The following SHC2 variants were observed in gnomAD, a reference collection of about 807,000 sequenced individuals.
The protein encoded by SHC2 is SHC-transforming protein 2.
A neutral mutation model predicts 60.6 loss-of-function variants in SHC2; 62 were observed. The observed-to-expected ratio is 1.02, with a 90% CI of 0.83 to 1.26. The LOEUF (loss-of-function observed/expected upper bound fraction) is 1.26, where lower values mean the gene tolerates loss of function less well. Among genes scored for constraint, SHC2 ranks in the 50% most tolerant of loss-of-function variants. The probability of loss-of-function intolerance (pLI) is 0.00; values close to 1 mark genes in which losing one functional copy is unlikely to be tolerated. For missense variants in SHC2, 873 were observed against 822.2 expected (o/e 1.06, Z -0.76); for synonymous variants, 375 against 372.4 (o/e 1.01, Z -0.08).
In SHC2 at chr19:422,136, C is replaced by T. The variant is rs749405263; in HGVS notation, c.1620+10G>A. ...ATGCCCCGAGACCCTCCCACCTGTG[C>T]ACAGCTTACCACGCCCTCGGGGTCC... On this transcript the variant is annotated intron_variant, in intron 11 of 12. Coordinates refer to ENST00000264554, the MANE Select transcript of SHC2 (RefSeq NM_012435.3). This position sits in a 1 kb window ranked among gnomAD's most constrained non-coding sequence, Gnocchi z 5.0. The T allele has an allele frequency of 6.0e-5, 96 of 1,587,630 alleles. No homozygotes were observed. The highest frequency in any genetic ancestry group is 8.1e-5 in the Non-Finnish European group (94 of 1,167,484).
At position 422,475 on chromosome 19, in the gene SHC2, A is replaced by G. The variant is rs1974304188; in HGVS notation, c.1310-19T>C. On this transcript the variant is annotated intron_variant, in intron 10 of 12. Transcript: ENST00000264554. This position sits in a 1 kb window ranked among gnomAD's most constrained non-coding sequence, Gnocchi z 5.0. Reference sequence around the variant, plus strand: ...AAGGGTCCTGCAGGCCAGGGACAGGAGTGCTGGGCAGGCAGGGGGCAAGCA... The same window carrying G: ...AAGGGTCCTGCAGGCCAGGGACAGGGGTGCTGGGCAGGCAGGGGGCAAGCA... The G allele has an allele frequency of 1.3e-6, 2 of 1,493,064 alleles. No homozygotes were observed. The highest frequency in any genetic ancestry group is 4.5e-5 in the Admixed American group (2 of 44,104). The allele number at this position is 1,493,064 out of a possible 1,614,324, so 92.5% of individuals were successfully genotyped here. A position where few individuals can be genotyped will look rare whatever the true frequency, so the allele number is the denominator to read the frequency against.
At position 436,164 on chromosome 19, in the gene SHC2, C is replaced by T. The variant is rs1220032561; in HGVS notation, c.953+1G>A. 1 of 1,611,112 alleles carries T rather than the reference C, an allele frequency of 6.2e-7. No individual in the cohort carries two copies. The highest frequency in any genetic ancestry group is 1.3e-5 in the African/African-American group (1 of 74,916). Reference sequence around the variant, plus strand: ...GGCACGGGGGAGGCAGCTCTGGTTACCTTTCTGGGGGCAGCGCCACCTTGG... The same window carrying T: ...GGCACGGGGGAGGCAGCTCTGGTTATCTTTCTGGGGGCAGCGCCACCTTGG... On this transcript the variant is annotated splice_donor_variant, in intron 7 of 12. Coordinates refer to ENST00000264554, the MANE Select transcript of SHC2 (RefSeq NM_012435.3). LOFTEE classifies it high-confidence loss of function.
chr19:431,035 C>T (rs1419797883), intron 8 of SHC2, among the ~76,000 whole-genome samples: 1 of 152,274 alleles, frequency 6.6e-6, no homozygotes, highest in Admixed American at 6.5e-5. Context: ...CCGCTCTGCT[C>T]TCCCAGGCAG....
intron 9 of SHC2, among the ~76,000 whole-genome samples, chr19:427,843 A>G (rs1020135861): frequency 1.7e-5 from 2 of 117,638 alleles, no homozygotes; most frequent in Non-Finnish European, 3.4e-5. Context: ...GGAACTGCAC[A>G]CGGCACAGGG....
Position 445,164 on chromosome 19 carries a change from G to A in SHC2, c.469-4232C>T, listed in dbSNP as rs1032715784. On this transcript the variant is annotated intron_variant, in intron 1 of 12. Transcript: ENST00000264554. The surrounding 1 kb of genome is among the most constrained non-coding windows in gnomAD (Gnocchi z 4.4). ...CTCCCAGTTTGTAAATATCGATCTA[G>A]GGCTGAATATCTGTGCCCCCCTCAA... 6.6e-6 allele frequency among the ~76,000 whole-genome samples: 1 copy of A among 152,214 alleles called. No individual in the cohort carries two copies. The highest frequency in any genetic ancestry group is 1.5e-5 in the Non-Finnish European group (1 of 68,036).
chr19:460,692 G>A lies in SHC2; in HGVS notation c.305C>T (p.Ala102Val), dbSNP rs1600339961. The A allele has an allele frequency of 9.7e-7, 1 of 1,030,012 alleles. No individual in the cohort carries two copies. Among genetic ancestry groups the A allele is most frequent in the Non-Finnish European group, 1.2e-6 (1 of 863,754 alleles). The allele number at this position is 1,030,012 out of a possible 1,614,324, so 63.8% of individuals were successfully genotyped here. The part of the protein sequence containing the change: ...PLPALSRCRG[A>V]GSRGSRGGRG... Reference sequence around the variant, plus strand: ...CCCGCCCCGCGACCCCCGCGACCCCGCGCCCCGACAGCGGCTGAGCGCGGG... The same window carrying A: ...CCCGCCCCGCGACCCCCGCGACCCCACGCCCCGACAGCGGCTGAGCGCGGG... The change falls in exon 1 of 13, where the codon GCG becomes GTG. Residue 102 changes from alanine (A) to valine (V), a missense_variant. Physicochemically the swap from Ala to Val is moderately conservative, Grantham distance 64. Transcript: ENST00000264554.
chr19:451,034 G>A (rs1394760458), intron 1 of SHC2, among the ~76,000 whole-genome samples: 98 of 129,772 alleles, frequency 7.6e-4, no homozygotes, highest in African/African-American at 2.8e-3. Context: ...TGGCCACGCC[G>A]TGGCCACATC....
At chr19:430,594 G>A in intron 9 of SHC2, 90 bp downstream of exon 9, 4 of 969,760 alleles carry the variant, frequency 4.1e-6, no homozygotes, top group Admixed American at 4.8e-5. Context: ...TAAGCAGAGA[G>A]GAGAAAGACT....
chr19:447,830 C>T (rs1480857159), intron 1 of SHC2, among the ~76,000 whole-genome samples: 1 of 152,124 alleles, frequency 6.6e-6, no homozygotes, highest in East Asian at 1.9e-4. Context: ...CACACTGCAA[C>T]CATAACTCCC....
In SHC2 at chr19:458,765, C is replaced by T. The variant is rs185456098; in HGVS notation, c.468+1764G>A. Among the ~76,000 whole-genome samples the T allele has an allele frequency of 7.9e-3, 958 of 121,054 alleles. 13 individuals carry two copies. The highest frequency in any genetic ancestry group is 0.013 in the Non-Finnish European group (772 of 59,054). 79.4% of individuals were successfully genotyped at this position (121,054 alleles called of 152,430 possible). On this transcript the variant is annotated intron_variant, in intron 1 of 12. Transcript: ENST00000264554. ...GAGGCGGAAGCGGGTCCCGGGGAGG[C>T]GGAGGCGGGTTCCGGGGAGGCGGAA... is the stretch of plus-strand genomic sequence containing the variant.
At position 423,157 on chromosome 19, in the gene SHC2, C is replaced by A. The variant is rs141140179; in HGVS notation, c.1310-701G>T. On this transcript the variant is annotated intron_variant, in intron 10 of 12. Coordinates refer to ENST00000264554, the MANE Select transcript of SHC2 (RefSeq NM_012435.3). ...CCCTGACCCTCACTCCCTGGTCTCC[C>A]GCCCCTCCAGCTCCTGGTCCTGGGG... 0.03 allele frequency among the ~76,000 whole-genome samples: 3,780 copies of A among 124,500 alleles called. 214 individuals carry two copies. The East Asian group carries it at 0.31, about 10-fold the overall frequency. The allele number at this position is 124,500 out of a possible 152,430, so 81.7% of individuals were successfully genotyped here.
At chr19:420,773 C>T (rs781551505) in intron 11 of SHC2, among the ~76,000 whole-genome samples, 88 of 152,172 alleles carry the variant, frequency 5.8e-4, no homozygotes, top group Non-Finnish European at 9.8e-4. Context: ...GCAGTTAGGC[C>T]GGGCGCGGTG....
Position 445,305 on chromosome 19 carries a change from G to A in SHC2, c.469-4373C>T, listed in dbSNP as rs554471113. On this transcript the variant is annotated intron_variant, in intron 1 of 12. Transcript: ENST00000264554. The surrounding 1 kb of genome is among the most constrained non-coding windows in gnomAD (Gnocchi z 4.4). Reference sequence around the variant, plus strand: ...GACTGGGATCAGTGCCCTTATAAAAGAGACCCCAGACAGAGCCCAGCCCTC... The same window carrying A: ...GACTGGGATCAGTGCCCTTATAAAAAAGACCCCAGACAGAGCCCAGCCCTC... 6.6e-6 allele frequency among the ~76,000 whole-genome samples: 1 copy of A among 152,152 alleles called. No homozygotes were observed. Among genetic ancestry groups the A allele is most frequent in the Non-Finnish European group, 1.5e-5 (1 of 68,028 alleles).
intron 1 of SHC2, among the ~76,000 whole-genome samples, chr19:456,662 G>C (rs1231427836): frequency 6.8e-6 from 1 of 146,304 alleles, no homozygotes; most frequent in Admixed American, 6.7e-5. Flanking sequence ...TGACGCACAC[G>C]CACCAGGTCC....
At chr19:443,916 G>GGATGGATGGGTGGGTT in intron 1 of SHC2, among the ~76,000 whole-genome samples, 1 of 145,810 alleles carries the variant, frequency 6.9e-6, no homozygotes, top group African/African-American at 2.5e-5. Context: ...ATGGGTGGGT[G>GGATGGATGGGTGGGTT]GATGGATGGA....
chr19:449,035 G>A (rs1008276682), intron 1 of SHC2, among the ~76,000 whole-genome samples: 11 of 152,048 alleles, frequency 7.2e-5, no homozygotes, highest in African/African-American at 2.4e-4. Context: ...AGGCATGGTG[G>A]TGCACACCTG....
At chr19:451,246 T>C (rs1975186735) in intron 1 of SHC2, among the ~76,000 whole-genome samples, 1 of 104,094 alleles carries the variant, frequency 9.6e-6, no homozygotes, top group Non-Finnish European at 2.5e-5. Flanking sequence ...TATTTCAGTG[T>C]GTGGATGGCC....
intron 1 of SHC2, among the ~76,000 whole-genome samples, chr19:443,858 ATGGATGGGTGGATGGATGTGTAGG>A (rs1468479197): frequency 7.5e-6 from 1 of 133,766 alleles, no homozygotes; most frequent in Non-Finnish European, 1.6e-5. Context: ...GGATGGACGG[ATGGATGGGTGGATGGATGTGTAGG>A]TGGATGGGTG....
chr19:450,314 C>G (rs376861012), intron 1 of SHC2, among the ~76,000 whole-genome samples: 2 of 152,224 alleles, frequency 1.3e-5, no homozygotes, highest in Non-Finnish European at 2.9e-5. Flanking sequence ...GAGAGTGGCG[C>G]GTTTTCGTGT....
Sources: allele counts gnomAD v4.1 joint callset (sites outside exome capture counted in the v4.1 genomes callset), GRCh38; gene constraint gnomAD v4.1.1; non-coding constraint Gnocchi (gnomAD v3.1); transcripts MANE v1.5; gene names NCBI Gene and HGNC (gene_info 2026-07-23, HGNC 2026-07-21).